PRLR: variants seen among roughly 807,000 people sequenced by gnomAD.
The protein encoded by PRLR is hPRL receptor.
PRLR carries 13 observed loss-of-function variants against 40.2 expected under a neutral mutation model. That is an observed-to-expected ratio of 0.32 (90% CI 0.21 to 0.51). The LOEUF (loss-of-function observed/expected upper bound fraction) is 0.51. PRLR is among the 20% of genes least tolerant of loss of function. PRLR has a pLI of 0.97. For synonymous variants in PRLR, 269 were observed against 278.7 expected (o/e 0.97, Z 0.35); for missense variants, 656 against 747.3 (o/e 0.88, Z 1.42).
intron 1 of PRLR, among the ~76,000 whole-genome samples, chr5:35,174,192 C>G (rs1775080802): frequency 1.3e-5 from 2 of 152,046 alleles, no homozygotes; most frequent in Non-Finnish European, 2.9e-5. Context: ...CAGGTTCTAG[C>G]AATTCTCCTG....
chr5:35,167,964 T>C (rs1034691454), intron 1 of PRLR, among the ~76,000 whole-genome samples: 1 of 151,906 alleles, frequency 6.6e-6, no homozygotes, highest in Non-Finnish European at 1.5e-5. Flanking sequence ...ACACTAAATG[T>C]AAATGGATTA....
At chr5:35,092,053 A>AGT (rs997388030) in intron 2 of PRLR, among the ~76,000 whole-genome samples, 2 of 152,146 alleles carry the variant, frequency 1.3e-5, no homozygotes, top group Non-Finnish European at 2.9e-5. Context: ...TGGGAAGCAG[A>AGT]GTGGGTCAGG....
At chr5:35,109,715 C>T (rs1383881372) in intron 2 of PRLR, among the ~76,000 whole-genome samples, 1 of 152,158 alleles carries the variant, frequency 6.6e-6, no homozygotes, top group African/African-American at 2.4e-5. Context: ...AGCCAGGAAA[C>T]AACAGGTGCT....
intron 1 of PRLR, among the ~76,000 whole-genome samples, chr5:35,175,463 G>A (rs1775121573): frequency 6.6e-6 from 1 of 152,154 alleles, no homozygotes; most frequent in African/African-American, 2.4e-5. Flanking sequence ...AGCAGCGTGA[G>A]GACAGACTAA....
In PRLR at chr5:35,107,107, A is replaced by T. The variant is rs189711146; in HGVS notation, c.-44+10954T>A. On this transcript the variant is annotated intron_variant, in intron 2 of 9. Coordinates refer to ENST00000618457, the MANE Select transcript of PRLR (RefSeq NM_000949.7). ...CCACACAACTACATGGAAACTGAAC[A>T]ACCTGCTCCTGAATGACTACTGGGT... Among the ~76,000 whole-genome samples, 604 of 152,332 alleles carry T rather than the reference A, an allele frequency of 4.0e-3. 6 individuals carry two copies. Among genetic ancestry groups the T allele is most frequent in the Non-Finnish European group, 6.9e-3 (470 of 68,014 alleles).
chr5:35,136,888 G>A (rs373512583), intron 1 of PRLR, among the ~76,000 whole-genome samples: 18 of 151,226 alleles, frequency 1.2e-4, no homozygotes, highest in East Asian at 5.8e-4. Flanking sequence ...ATTCCCACTC[G>A]ATGTTTATGT....
intron 8 of PRLR, 132 bp downstream of exon 8, chr5:35,068,647 A>G: frequency 1.4e-6 from 1 of 724,384 alleles, no homozygotes; most frequent in Non-Finnish European, 2.3e-6. Context: ...GATTTTTTTT[A>G]TGGGCAAACA....
At chr5:35,183,246 T>C (rs1319113019) in intron 1 of PRLR, among the ~76,000 whole-genome samples, 1 of 152,182 alleles carries the variant, frequency 6.6e-6, no homozygotes, top group Non-Finnish European at 1.5e-5. Context: ...TAAGGAAGAA[T>C]CTCCTTCTCC....
chr5:35,183,687 AG>A (rs1360045947), intron 1 of PRLR, among the ~76,000 whole-genome samples: 1 of 152,200 alleles, frequency 6.6e-6, no homozygotes, highest in Non-Finnish European at 1.5e-5. Flanking sequence ...GAAGGGTCAC[AG>A]AGCTCCAGTG....
intron 1 of PRLR, among the ~76,000 whole-genome samples, chr5:35,130,725 G>T (rs185855261): frequency 1.2e-4 from 18 of 152,344 alleles, no homozygotes; most frequent in African/African-American, 4.3e-4. Flanking sequence ...AAGTCCTCCA[G>T]TACCTTAGAA....
At chr5:35,160,250 T>C (rs987574863) in intron 1 of PRLR, among the ~76,000 whole-genome samples, 7 of 79,124 alleles carry the variant, frequency 8.8e-5, no homozygotes, top group African/African-American at 2.5e-4. Context: ...TCAGTGTTAA[T>C]TCATAAAGTT....
At chr5:35,135,208 C>G (rs1773817241) in intron 1 of PRLR, 2 of 151,930 alleles carry the variant, frequency 1.3e-5, no homozygotes, top group Admixed American at 1.3e-4. Flanking sequence ...GGGAAATCAG[C>G]TAAGGAAAAG....
At chr5:35,161,210 G>A (rs1173305476) in intron 1 of PRLR, among the ~76,000 whole-genome samples, 2 of 152,186 alleles carry the variant, frequency 1.3e-5, no homozygotes, top group Non-Finnish European at 2.9e-5. Flanking sequence ...AAGTAGAGTT[G>A]TCATCCTGGC....
intron 6 of PRLR, among the ~76,000 whole-genome samples, chr5:35,072,352 G>T (rs771732545): frequency 6.6e-6 from 1 of 152,224 alleles, no homozygotes; most frequent in Non-Finnish European, 1.5e-5. Context: ...ACCTGGTCAA[G>T]TGTCTGAGCA....
At chr5:35,081,484 A>C in intron 5 of PRLR, 1 of 178,198 alleles carries the variant, frequency 5.6e-6, no homozygotes. Context: ...GTGGTGAAGC[A>C]GGCATCGGAG....
intron 1 of PRLR, among the ~76,000 whole-genome samples, chr5:35,196,939 T>A (rs1231663866): frequency 2.6e-5 from 4 of 152,112 alleles, no homozygotes; most frequent in Admixed American, 1.3e-4. Context: ...CCTCACATGG[T>A]GGAAAAAGGT....
downstream of PRLR, among the ~76,000 whole-genome samples, chr5:35,051,840 T>G (rs111512122): frequency 5.8e-3 from 883 of 152,016 alleles, 5 homozygotes; most frequent in African/African-American, 0.02. Context: ...ACAGAACAAT[T>G]AGGAAGTAAA....
intron 1 of PRLR, among the ~76,000 whole-genome samples, chr5:35,215,754 G>A (rs915034102): frequency 6.6e-6 from 1 of 151,866 alleles, no homozygotes; most frequent in East Asian, 1.9e-4. Flanking sequence ...TAGAAGTAAG[G>A]GCCGGGCACG....
chr5:35,199,752 A>T (rs1775829771), intron 1 of PRLR, among the ~76,000 whole-genome samples: 1 of 152,220 alleles, frequency 6.6e-6, no homozygotes, highest in Admixed American at 6.5e-5. Flanking sequence ...TTAATAATTT[A>T]TATATTTCAA....
Sources: allele counts gnomAD v4.1 joint callset (sites outside exome capture counted in the v4.1 genomes callset), GRCh38; gene constraint gnomAD v4.1.1; transcripts MANE v1.5; gene names NCBI Gene and HGNC (gene_info 2026-07-23, HGNC 2026-07-21).